The following FRMPD3 variants were observed in gnomAD, a reference collection of about 807,000 sequenced individuals.
FRMPD3 encodes FERM and PDZ domain-containing protein 3.
In FRMPD3, 42 loss-of-function variants were observed where a neutral mutation model predicts 97.9. The observed-to-expected ratio is 0.43, with a 90% CI of 0.34 to 0.55. The LOEUF is 0.55. Ranked by LOEUF, FRMPD3 falls within the 20% of genes least tolerant of loss-of-function variation. The pLI is 0.03. For missense variants in FRMPD3, 1,303 were observed against 1,457.7 expected, an observed-to-expected ratio of 0.89 and a Z score of 1.73; for synonymous variants, 577 against 581.1, an observed-to-expected ratio of 0.99 and a Z score of 0.10.
intron 1 of FRMPD3, among the ~76,000 whole-genome samples, chrX:107,503,881 T>C (rs1166787445): frequency 8.9e-6 from 1 of 111,924 alleles, no homozygotes; most frequent in Non-Finnish European, 1.9e-5. Flanking sequence ...GGAAGGAGTA[T>C]TTGATACGCC....
chrX:107,453,251 C>T (rs2147884840), intron 1 of FRMPD3, among the ~76,000 whole-genome samples: 1 of 111,374 alleles, frequency 9.0e-6, no homozygotes, highest in South Asian at 3.9e-4. Context: ...ACCCCTCAGA[C>T]ACACCCTCAA....
At chrX:107,498,580 G>T (rs1921831166) in intron 1 of FRMPD3, among the ~76,000 whole-genome samples, 1 of 111,958 alleles carries the variant, frequency 8.9e-6, no homozygotes, top group African/African-American at 3.3e-5. Flanking sequence ...ATCCCCTTCA[G>T]ATAGAGGCAT....
chrX:107,458,150 A>G (rs1225577145), intron 1 of FRMPD3, among the ~76,000 whole-genome samples: 1 of 111,606 alleles, frequency 9.0e-6, no homozygotes, highest in Non-Finnish European at 1.9e-5. Flanking sequence ...GGCTTCACTT[A>G]TCTCATCCTT....
chrX:107,461,582 C>T (rs1415754850), intron 1 of FRMPD3, among the ~76,000 whole-genome samples: 1 of 110,596 alleles, frequency 9.0e-6, no homozygotes, highest in African/African-American at 3.3e-5. Context: ...ATTCAGCCTC[C>T]CCATCAGCGC....
At chrX:107,559,384 A>G (rs1251963461) in intron 8 of FRMPD3, among the ~76,000 whole-genome samples, 1 of 112,152 alleles carries the variant, frequency 8.9e-6, no homozygotes, top group Non-Finnish European at 1.9e-5. Context: ...AAAGGACTTA[A>G]GCATCCACAA....
intron 1 of FRMPD3, among the ~76,000 whole-genome samples, chrX:107,504,568 G>A (rs1289073476): frequency 8.9e-6 from 1 of 112,299 alleles, no homozygotes; most frequent in Non-Finnish European, 1.9e-5. Flanking sequence ...TGCATAGCAA[G>A]CATAGTACTG....
intron 1 of FRMPD3, among the ~76,000 whole-genome samples, chrX:107,502,642 TA>T (rs756356359): frequency 4.5e-5 from 5 of 110,175 alleles, no homozygotes; most frequent in Non-Finnish European, 3.8e-5. Context: ...AAAAAGCCCT[TA>T]AAAAAAACCA....
At chrX:107,463,368 C>G (rs1438038499) in intron 1 of FRMPD3, among the ~76,000 whole-genome samples, 1 of 112,476 alleles carries the variant, frequency 8.9e-6, no homozygotes, top group Non-Finnish European at 1.9e-5. Flanking sequence ...AATGTTGCCT[C>G]TTACAGTTGA....
At chrX:107,529,999 T>C (rs1300571610) in intron 2 of FRMPD3, among the ~76,000 whole-genome samples, 2 of 112,068 alleles carry the variant, frequency 1.8e-5, no homozygotes, top group African/African-American at 6.5e-5. Context: ...TTCACCCCAC[T>C]TATCTTTCTG....
chrX:107,534,898 C>G (rs1198599512), intron 4 of FRMPD3, among the ~76,000 whole-genome samples: 1 of 112,441 alleles, frequency 8.9e-6, no homozygotes, highest in Non-Finnish European at 1.9e-5. Context: ...GGCAGATAGG[C>G]CTTTCTCAGT....
chrX:107,504,763 C>T (rs1895841824), intron 1 of FRMPD3, among the ~76,000 whole-genome samples: 1 of 111,794 alleles, frequency 8.9e-6, no homozygotes, highest in Admixed American at 9.5e-5. Context: ...CTGACATGAG[C>T]CCTGTGCTTT....
chrX:107,484,850 C>A (rs1339094535), intron 1 of FRMPD3, among the ~76,000 whole-genome samples: 1 of 112,289 alleles, frequency 8.9e-6, no homozygotes, highest in African/African-American at 3.2e-5. Context: ...ATAGTCTCTG[C>A]TGCCTCTGAA....
In FRMPD3 at chrX:107,545,730, T is replaced by C; in HGVS notation, c.298-7T>C. 6.7e-6 allele frequency: 8 copies of C among 1,202,027 alleles called. No individual in the cohort carries two copies. The highest frequency in any genetic ancestry group is 9.0e-6 in the Non-Finnish European group (8 of 887,500). On this transcript the variant is annotated splice_polypyrimidine_tract_variant and splice_region_variant and intron_variant, in intron 4 of 14. Coordinates refer to ENST00000683843, the MANE Select transcript of FRMPD3 (RefSeq NM_001388459.1). ...GAGAACTCACCATCTCTCTGTTCTT[T>C]TTCCAGTCCCCCAAATCTGCTTTCA...
intron 12 of FRMPD3, among the ~76,000 whole-genome samples, chrX:107,573,380 G>GA (rs1922983989): frequency 9.0e-6 from 1 of 111,713 alleles, no homozygotes; most frequent in African/African-American, 3.3e-5. Context: ...TCTGCCATCA[G>GA]TGGCAGGGCT....
intron 1 of FRMPD3, among the ~76,000 whole-genome samples, chrX:107,460,553 G>C (rs6622232): frequency 9.0e-6 from 1 of 110,507 alleles, no homozygotes. Flanking sequence ...ACCACGCCCA[G>C]CTAATTTTGT....
At chrX:107,582,466 G>A (rs746980231) in intron 13 of FRMPD3, among the ~76,000 whole-genome samples, 4 of 112,110 alleles carry the variant, frequency 3.6e-5, no homozygotes, top group Admixed American at 9.4e-5. Context: ...GATTATAGGC[G>A]TGAGCCACCA....
At chrX:107,461,128 C>T (rs1314409122) in intron 1 of FRMPD3, among the ~76,000 whole-genome samples, 1 of 112,024 alleles carries the variant, frequency 8.9e-6, no homozygotes, top group Non-Finnish European at 1.9e-5. Flanking sequence ...TATAGCTTGT[C>T]CTGCTTTGGA....
chrX:107,459,516 C>T (rs1408863968), intron 1 of FRMPD3, among the ~76,000 whole-genome samples: 1 of 112,159 alleles, frequency 8.9e-6, no homozygotes, highest in East Asian at 2.8e-4. Flanking sequence ...CCTCCCCCAC[C>T]AACTTTCCCC....
At chrX:107,474,529 A>G (rs981535103) in intron 1 of FRMPD3, among the ~76,000 whole-genome samples, 4 of 111,703 alleles carry the variant, frequency 3.6e-5, no homozygotes, top group African/African-American at 9.8e-5. Flanking sequence ...ATGTAGAGAA[A>G]TACTAGGTGG....
Sources: allele counts gnomAD v4.1 joint callset (sites outside exome capture counted in the v4.1 genomes callset), GRCh38; gene constraint gnomAD v4.1.1; transcripts MANE v1.5; gene names NCBI Gene and HGNC (gene_info 2026-07-23, HGNC 2026-07-21).